Variants in MAP3K13 observed in about 807,000 individuals in gnomAD.
The protein encoded by MAP3K13 is mitogen-activated protein kinase kinase kinase 13.
MAP3K13 carries 52 observed loss-of-function variants against 104.0 expected under a neutral mutation model. The observed-to-expected ratio is 0.50, with a 90% CI of 0.40 to 0.63. The LOEUF is 0.63. Ranked by LOEUF, MAP3K13 falls within the 20% of genes least tolerant of loss-of-function variation. MAP3K13 has a pLI of 0.00. For synonymous variants in MAP3K13, 394 were observed against 442.2 expected (o/e 0.89, Z 1.37); for missense variants, 914 against 1,218.5 (o/e 0.75, Z 3.72).
intron 2 of MAP3K13, among the ~76,000 whole-genome samples, chr3:185,342,625 A>G (rs1271375601): frequency 6.6e-6 from 1 of 152,192 alleles, no homozygotes; most frequent in Non-Finnish European, 1.5e-5. Flanking sequence ...ATTTATACAA[A>G]AAGGAGTATT....
chr3:185,411,149 T>C (rs1713420313), intron 1 of MAP3K13, among the ~76,000 whole-genome samples: 1 of 152,136 alleles, frequency 6.6e-6, no homozygotes, highest in Admixed American at 6.6e-5. Context: ...TTTCTTGTCC[T>C]TACTTTATGA....
chr3:185,372,853 G>C (rs930943530), intron 1 of MAP3K13, among the ~76,000 whole-genome samples: 4 of 152,160 alleles, frequency 2.6e-5, no homozygotes, highest in African/African-American at 7.2e-5. Context: ...AGAGCAAAGA[G>C]GACCCTAAGA....
intron 1 of MAP3K13, among the ~76,000 whole-genome samples, chr3:185,386,758 G>A (rs1001611310): frequency 3.3e-5 from 5 of 152,220 alleles, no homozygotes; most frequent in Admixed American, 3.3e-4. Flanking sequence ...CAGAGACATG[G>A]ATGGAGCTGG....
At chr3:185,360,510 T>A (rs1388033523), upstream of MAP3K13, among the ~76,000 whole-genome samples, 1 of 152,228 alleles carries the variant, frequency 6.6e-6, no homozygotes, top group Non-Finnish European at 1.5e-5. Flanking sequence ...CAGCTTATCT[T>A]TCCAATGATT....
rs1171045616 is a variant in MAP3K13 at position 185,315,379 on chromosome 3, A to G, written c.-86+29736A>G. On this transcript the variant is annotated intron_variant, in intron 2 of 14. Transcript: ENST00000424227. This position sits in a 1 kb window ranked among gnomAD's most constrained non-coding sequence, Gnocchi z 4.3. ...AGAGAATGTATGTGTGTATGTCTTA[A>G]CAAAAACAGATTGCTGGGTTCTACC... 6.6e-6 allele frequency among the ~76,000 whole-genome samples: 1 copy of G among 152,226 alleles called. No individual in the cohort carries two copies. Among genetic ancestry groups the G allele is most frequent in the Non-Finnish European group, 1.5e-5 (1 of 68,044 alleles).
intron 2 of MAP3K13, among the ~76,000 whole-genome samples, chr3:185,357,634 G>A (rs1325631332): frequency 6.6e-6 from 1 of 152,040 alleles, no homozygotes; most frequent in Non-Finnish European, 1.5e-5. Context: ...GCCAGAATTT[G>A]TATGTTATGG....
Position 185,465,820 on chromosome 3 carries a change from G to A in MAP3K13, c.1462G>A (p.Ala488Thr). 1 of 1,614,054 alleles carries A rather than the reference G, an allele frequency of 6.2e-7. No individual in the cohort carries two copies. The highest frequency in any genetic ancestry group is 8.5e-7 in the Non-Finnish European group (1 of 1,179,932). Residue 488 changes from alanine to threonine, a missense_variant, in exon 9 of 14, where the codon GCC becomes ACC. Around this residue, in one of 3 missense-constraint regions of MAP3K13, gnomAD observed 583 missense variants for 737.4 expected, o/e 0.79. Coordinates refer to ENST00000265026, the MANE Select transcript of MAP3K13 (RefSeq NM_004721.5). The part of the protein sequence containing the change: ...RANNLYMELS[A>T]IMLQLEMREK... ...GAATAATTTATACATGGAATTGAGT[G>A]CCATCATGCTGCAGCTAGAAATGCG...
rs554003778 is a variant in MAP3K13 at position 185,481,515 on chromosome 3, T to C, written c.2800-840T>C. On this transcript the variant is annotated intron_variant, in intron 13 of 13. Transcript: ENST00000265026. Reference sequence around the variant, plus strand: ...AAAAAAAAAAATTATTTTAAAGGTCTGAGCCTCCCCACTCCATACCCTGAC... The same window carrying C: ...AAAAAAAAAAATTATTTTAAAGGTCCGAGCCTCCCCACTCCATACCCTGAC... 6.6e-3 allele frequency among the ~76,000 whole-genome samples: 996 copies of C among 152,020 alleles called. 8 individuals are homozygous for C. Among genetic ancestry groups the C allele is most frequent in the African/African-American group, 0.017 (708 of 41,436 alleles).
At chr3:185,452,283 G>A (rs1355211723) in intron 7 of MAP3K13, among the ~76,000 whole-genome samples, 8 of 152,084 alleles carry the variant, frequency 5.3e-5, no homozygotes, top group Admixed American at 1.3e-4. Flanking sequence ...GAGTACCGTG[G>A]TCTGATCTCG....
chr3:185,410,334 T>C (rs1713362987), intron 1 of MAP3K13, among the ~76,000 whole-genome samples: 1 of 152,136 alleles, frequency 6.6e-6, no homozygotes, highest in South Asian at 2.1e-4. Flanking sequence ...GAACAGAGGA[T>C]TCTAGAGGCT....
chr3:185,415,640 A>G (rs936065338), intron 1 of MAP3K13, among the ~76,000 whole-genome samples: 1 of 134,720 alleles, frequency 7.4e-6, no homozygotes, highest in African/African-American at 2.8e-5. Context: ...CTGGAGTACA[A>G]TGGTGCCGTC....
intron 1 of MAP3K13, among the ~76,000 whole-genome samples, chr3:185,399,750 G>A (rs531909403): frequency 2.3e-4 from 35 of 149,680 alleles, no homozygotes; most frequent in African/African-American, 6.9e-4. Context: ...GTAGTTCTTT[G>A]CCCCAGTTAC....
intron 1 of MAP3K13, among the ~76,000 whole-genome samples, chr3:185,395,109 GT>G (rs1241741047): frequency 6.6e-6 from 1 of 152,010 alleles, no homozygotes. Flanking sequence ...TCTAAATGTA[GT>G]TTTTTCAATA....
At chr3:185,354,499 C>T (rs1282373266) in intron 2 of MAP3K13, among the ~76,000 whole-genome samples, 2 of 150,894 alleles carry the variant, frequency 1.3e-5, no homozygotes, top group African/African-American at 4.9e-5. Context: ...TATGTCCTGT[C>T]CCTTAGGGAA....
intron 2 of MAP3K13, among the ~76,000 whole-genome samples, chr3:185,302,684 T>C (rs1406507937): frequency 2.6e-5 from 4 of 152,244 alleles, no homozygotes; most frequent in South Asian, 4.1e-4. Flanking sequence ...TTTTGTATTC[T>C]GAATCATTGA....
chr3:185,415,812 A>C (rs1214405087), intron 1 of MAP3K13, among the ~76,000 whole-genome samples: 1 of 151,168 alleles, frequency 6.6e-6, no homozygotes, highest in Non-Finnish European at 1.5e-5. Flanking sequence ...CAAACTCCCA[A>C]CCTCAGGTGA....
At position 185,418,348 on chromosome 3, in the gene MAP3K13, A is replaced by G. The variant is rs1713916514; in HGVS notation, c.-85-10149A>G. On this transcript the variant is annotated intron_variant, in intron 1 of 13. Transcript: ENST00000265026. The surrounding 1 kb of genome is among the most constrained non-coding windows in gnomAD (Gnocchi z 4.5). ...CAAAGGAAGTTCAGGAACTTCCTCA[A>G]TACGATGACCTTTAGACATGACCAG... 3 of 1,591,912 alleles carry G rather than the reference A, an allele frequency of 1.9e-6. No homozygotes were observed. Among genetic ancestry groups the G allele is most frequent in the African/African-American group, 1.3e-5 (1 of 74,460 alleles).
At chr3:185,291,622 C>T in intron 2 of MAP3K13, 4 of 1,524,750 alleles carry the variant, frequency 2.6e-6, no homozygotes, top group Non-Finnish European at 3.5e-6. Context: ...GCATCAAGTA[C>T]CACGTTTTTG....
chr3:185,427,079 G>A (rs546337416), intron 1 of MAP3K13, among the ~76,000 whole-genome samples: 119 of 152,254 alleles, frequency 7.8e-4, no homozygotes, highest in Admixed American at 2.1e-3. Context: ...TGGGCTGGGC[G>A]CAGTGGCCCA....
Sources: allele counts gnomAD v4.1 joint callset (sites outside exome capture counted in the v4.1 genomes callset), GRCh38; gene constraint gnomAD v4.1.1; regional missense constraint gnomAD v4.1.1; non-coding constraint Gnocchi (gnomAD v3.1); transcripts MANE v1.5; gene names NCBI Gene and HGNC (gene_info 2026-07-23, HGNC 2026-07-21).